F11: variants seen among roughly 807,000 people sequenced by gnomAD.
F11 encodes the protein coagulation factor XI.
In F11, 78 loss-of-function variants were observed where a neutral mutation model predicts 76.5. The ratio of observed to expected loss-of-function variants is 1.02; its 90% CI spans 0.85 to 1.23. The LOEUF is 1.23. Among genes scored for constraint, F11 ranks in the 50% most tolerant of loss-of-function variants. The pLI, the probability that F11 is intolerant of heterozygous loss-of-function variation, is 0.00. For missense variants in F11, 742 were observed against 771.4 expected (o/e 0.96, Z 0.45); for synonymous variants, 278 against 276.3 (o/e 1.01, Z -0.06).
chr4:186,282,633 A>G, intron 10 of F11: 1 of 985,098 alleles, frequency 1.0e-6, no homozygotes, highest in Non-Finnish European at 1.2e-6. Flanking sequence ...TTATTTCTAA[A>G]ATATCTTAGT....
chr4:186,268,563 A>C (rs2126706570), intron 2 of F11, among the ~76,000 whole-genome samples: 1 of 152,322 alleles, frequency 6.6e-6, no homozygotes, highest in South Asian at 2.1e-4. Flanking sequence ...ATAATAATAA[A>C]AAGGGAATTG....
chr4:186,286,091 T>A, intron 12 of F11: 1 of 538,182 alleles, frequency 1.9e-6, no homozygotes, highest in South Asian at 2.2e-5. Context: ...ATAGTAAAGA[T>A]AATTTAGTCT....
chr4:186,271,486 T>C, intron 2 of F11, 123 bp from the exon 3 acceptor site: 1 of 1,104,872 alleles, frequency 9.1e-7, no homozygotes. Context: ...TTGCCTTGAT[T>C]TCCAAATTCA....
Position 186,271,730 on chromosome 4 carries a change from C to T in F11, c.177C>T (p.Phe59=), listed in dbSNP as rs747446747. ...VCTYHPRCLL[F]TFTAESPSED... is the part of the protein sequence containing the mutation. The stretch of plus-strand genomic sequence containing the variant: ...CTTACCACCCAAGATGTTTACTCTT[C>T]ACTTTCACGGCGGAATCACCATCTG... The change falls in exon 3 of 15, where the codon TTC becomes TTT. Residue 59 remains phenylalanine (F), a synonymous_variant. Coordinates refer to ENST00000403665, the MANE Select transcript of F11 (RefSeq NM_000128.4). 1 of 1,614,220 alleles carries T rather than the reference C, an allele frequency of 6.2e-7. No homozygotes were observed. Among genetic ancestry groups the T allele is most frequent in the Non-Finnish European group, 8.5e-7 (1 of 1,180,034 alleles).
intron 10 of F11, chr4:186,283,024 G>C: frequency 2.0e-6 from 2 of 985,314 alleles, no homozygotes; most frequent in Non-Finnish European, 2.4e-6. Context: ...AGCTCAGGAC[G>C]CGGAGCCTTC....
chr4:186,281,799 A>G (rs900680277), intron 10 of F11: 3 of 991,400 alleles, frequency 3.0e-6, no homozygotes, highest in African/African-American at 3.3e-5. Flanking sequence ...AAGCACAAAA[A>G]CATTCTGTGT....
chr4:186,287,666 C>G lies in F11; in HGVS notation c.1577-18C>G, dbSNP rs1005331914. The G allele has an allele frequency of 1.9e-6, 3 of 1,598,912 alleles. No homozygotes were observed. The highest frequency in any genetic ancestry group is 2.6e-6 in the Non-Finnish European group (3 of 1,171,106). ...GTGTATGGTTATTCTACAAACGAACCAAAAAAATTTTTTTCAGACAAAATA... is the reference window on the plus strand; with the variant it reads ...GTGTATGGTTATTCTACAAACGAACGAAAAAAATTTTTTTCAGACAAAATA... On this transcript the variant is annotated intron_variant, in intron 13 of 14. Transcript: ENST00000403665.
At position 186,274,165 on chromosome 4, in the gene F11, T is replaced by C. The variant is rs1298502766; in HGVS notation, c.375T>C (p.Tyr125=). ...ACCTAGACATGAAGGGCATAAACTA[T>C]AACAGCTCAGTTGCCAAGAGTGCTC... ...YVDLDMKGIN[Y]NSSVAKSAQE... is the part of the protein sequence containing the mutation. The change falls in exon 5 of 15, where the codon TAT becomes TAC. Residue 125 remains tyrosine (Y), a synonymous_variant. Transcript: ENST00000403665. 6.2e-7 allele frequency: 1 copy of C among 1,614,156 alleles called. No individual in the cohort carries two copies. The highest frequency in any genetic ancestry group is 8.5e-7 in the Non-Finnish European group (1 of 1,180,020).
At chr4:186,268,471 C>T (rs1422990044) in intron 2 of F11, among the ~76,000 whole-genome samples, 1 of 152,066 alleles carries the variant, frequency 6.6e-6, no homozygotes, top group African/African-American at 2.4e-5. Flanking sequence ...CACACACAAG[C>T]CTCTGAAACA....
In F11 at chr4:186,284,269, C is replaced by A; in HGVS notation, c.1304+9C>A. 6.2e-7 allele frequency: 1 copy of A among 1,606,980 alleles called. No individual in the cohort carries two copies. The highest frequency in any genetic ancestry group is 8.5e-7 in the Non-Finnish European group (1 of 1,174,114). On this transcript the variant is annotated intron_variant, in intron 11 of 14. Coordinates refer to ENST00000403665, the MANE Select transcript of F11 (RefSeq NM_000128.4). ...GCTCACTGTTTCTATGGGTCAGTAC[C>A]ACGGCTGTTTTTATTAGTTCATCTT...
At chr4:186,282,284 T>C (rs1469383582) in intron 10 of F11, 1 of 985,238 alleles carries the variant, frequency 1.0e-6, no homozygotes, top group Non-Finnish European at 1.2e-6. Flanking sequence ...CAGGTATAGA[T>C]TGATAGCTAC....
Position 186,271,642 on chromosome 4 carries a change from T to C in F11, c.89T>C (p.Phe30Ser). ...ACTCAGTTGTTGAAGGACACCTGCT[T>C]TGAAGGAGGGGACATTACTACGGTC... ...CVTQLLKDTCFEGGDITTVFT... is the reference protein window; with the variant it reads ...CVTQLLKDTCSEGGDITTVFT... The change falls in exon 3 of 15, where the codon TTT (phenylalanine) becomes TCT (serine). Residue 30 changes from phenylalanine to serine, a missense_variant. Physicochemically the swap from Phe to Ser is radical, Grantham distance 155. Coordinates refer to ENST00000403665, the MANE Select transcript of F11 (RefSeq NM_000128.4). 6.2e-7 allele frequency: 1 copy of C among 1,614,150 alleles called. No individual in the cohort carries two copies. Among genetic ancestry groups the C allele is most frequent in the Non-Finnish European group, 8.5e-7 (1 of 1,180,010 alleles).
intron 7 of F11, among the ~76,000 whole-genome samples, chr4:186,278,090 T>G (rs184188569): frequency 9.2e-5 from 14 of 152,364 alleles, no homozygotes; most frequent in Admixed American, 9.1e-4. Flanking sequence ...TGAGCCACTA[T>G]GCCCAGCTTG....
rs373297713 is a variant in F11 at position 186,287,824 on chromosome 4, G to A, written c.1716+1G>A. On this transcript the variant is annotated splice_donor_variant, in intron 14 of 14. Coordinates refer to ENST00000403665, the MANE Select transcript of F11 (RefSeq NM_000128.4). LOFTEE classifies it high-confidence loss of function. ...GGAAGGAGGGAAGGACGCTTGCAAG[G>A]TAACAGAGTGTTCTTAGCCAATGGA... 11 of 1,611,854 alleles carry A rather than the reference G, an allele frequency of 6.8e-6. No individual in the cohort carries two copies. Among genetic ancestry groups the A allele is most frequent in the Non-Finnish European group, 8.5e-7 (1 of 1,178,678 alleles).
At chr4:186,287,945 C>T (rs1580108750) in intron 14 of F11, 122 bp downstream of exon 14, 6 of 1,228,542 alleles carry the variant, frequency 4.9e-6, no homozygotes, top group African/African-American at 1.5e-5. Context: ...CGCTCTGTTG[C>T]CCAGGCTGGA....
rs1740315689 is a variant in F11, at chr4:186,275,779, TTA to T, written c.486-6_486-5del. The T allele has an allele frequency of 6.2e-7, 1 of 1,600,176 alleles. No homozygotes were observed. The highest frequency in any genetic ancestry group is 8.6e-7 in the Non-Finnish European group (1 of 1,168,682). On this transcript the variant is annotated splice_region_variant and splice_polypyrimidine_tract_variant and intron_variant, in intron 5 of 14. Coordinates refer to ENST00000403665, the MANE Select transcript of F11 (RefSeq NM_000128.4). ...AATAAGACACTTTTCCTTTTTCTTT[TTA>T]TTCAGTAACATTTGTCTACTGAAGC...
Position 186,288,831 on chromosome 4 carries a change from T to C in F11, c.*217T>C. 1 of 565,076 alleles carries C rather than the reference T, an allele frequency of 1.8e-6. No homozygotes were observed. Among genetic ancestry groups the C allele is most frequent in the Non-Finnish European group, 3.2e-6 (1 of 316,274 alleles). 35.0% of individuals were successfully genotyped at this position (565,076 alleles called of 1,614,324 possible). Reference sequence around the variant, plus strand: ...AGTTTGTTTGAGCATTCAGTCTCTTTGTTTTTGATCACGCTTCTATGGAGT... The same window carrying C: ...AGTTTGTTTGAGCATTCAGTCTCTTCGTTTTTGATCACGCTTCTATGGAGT... On this transcript the variant is annotated 3_prime_UTR_variant, in exon 15 of 15. Transcript: ENST00000403665.
In F11 at chr4:186,284,247, C is replaced by A; in HGVS notation, c.1291C>A (p.His431Asn). 3 of 1,613,992 alleles carry A rather than the reference C, an allele frequency of 1.9e-6. No homozygotes were observed. The highest frequency in any genetic ancestry group is 2.5e-6 in the Non-Finnish European group (3 of 1,179,854). Residue 431 changes from histidine (H) to asparagine (N), a missense_variant, in exon 11 of 15, where the codon CAC becomes AAC. By Grantham distance (68) the His-to-Asn change is moderately conservative (BLOSUM62 1). Coordinates refer to ENST00000403665, the MANE Select transcript of F11 (RefSeq NM_000128.4). ...IGNQWILTAA[H>N]CFYGVESPKI... Reference sequence around the variant, plus strand: ...AAACCAGTGGATATTAACAGCCGCTCACTGTTTCTATGGGTCAGTACCACG... The same window carrying A: ...AAACCAGTGGATATTAACAGCCGCTAACTGTTTCTATGGGTCAGTACCACG...
chr4:186,282,880 A>T, intron 10 of F11: 3 of 985,300 alleles, frequency 3.0e-6, no homozygotes, highest in Non-Finnish European at 3.6e-6. Context: ...TCTGCCCCAG[A>T]ATTATACACT....
Sources: gnomAD v4.1 joint callset for allele counts (sites outside exome capture counted in the v4.1 genomes callset) on GRCh38, gnomAD v4.1.1 for gene constraint, MANE v1.5 for transcripts, NCBI Gene and HGNC (gene_info 2026-07-23, HGNC 2026-07-21) for gene names.